Variants in SIN3B observed in about 807,000 individuals in gnomAD.
The protein encoded by SIN3B is paired amphipathic helix protein Sin3b.
Under a neutral mutation model 120.2 loss-of-function variants are expected in SIN3B, and 19 were observed. The ratio of observed to expected loss-of-function variants is 0.16; its 90% CI spans 0.11 to 0.23. The LOEUF (loss-of-function observed/expected upper bound fraction) is 0.23. SIN3B is among the 10% of genes least tolerant of loss of function. SIN3B has a pLI of 1.00. For missense variants in SIN3B, 1,073 were observed against 1,573.0 expected, an observed-to-expected ratio of 0.68 and a Z score of 5.38; for synonymous variants, 654 against 653.2, an observed-to-expected ratio of 1.00 and a Z score of -0.02.
At chr19:16,836,880 G>A (rs12975314) in intron 3 of SIN3B, among the ~76,000 whole-genome samples, 2,675 of 152,304 alleles carry the variant, frequency 0.018, 42 homozygotes, top group Middle Eastern at 0.048. Flanking sequence ...TCAACAAGTC[G>A]ATTCTTGTGT....
At chr19:16,875,519 T>TTGGTC (rs1350439463) in intron 14 of SIN3B, among the ~76,000 whole-genome samples, 1 of 145,668 alleles carries the variant, frequency 6.9e-6, no homozygotes, top group Non-Finnish European at 1.5e-5. Context: ...TCTGGTCTGT[T>TTGGTC]TGGTCTGGTC....
At chr19:16,835,163 T>G (rs191286544) in intron 3 of SIN3B, among the ~76,000 whole-genome samples, 226 of 151,940 alleles carry the variant, frequency 1.5e-3, no homozygotes, top group Admixed American at 2.5e-3. Flanking sequence ...CGACCTCACG[T>G]GATCTGCCTG....
chr19:16,850,369 T>C (rs1373277721), intron 5 of SIN3B, among the ~76,000 whole-genome samples: 2 of 152,196 alleles, frequency 1.3e-5, no homozygotes, highest in African/African-American at 4.8e-5. Context: ...CCTCTGCATG[T>C]GTAACAAATA....
chr19:16,832,211 T>A (rs1971287521), intron 3 of SIN3B, among the ~76,000 whole-genome samples: 1 of 126,602 alleles, frequency 7.9e-6, no homozygotes, highest in Non-Finnish European at 1.7e-5. Flanking sequence ...TTTTTTTTTT[T>A]TTTGGAGACG....
rs766819542 is a variant in SIN3B, at chr19:16,865,436, G to A, written c.1410G>A (p.Leu470=). ...FELDVVLETN[L]ATIRVLESVQ... is the part of the protein sequence containing the mutation. ...TAGACGTTGTCCTGGAGACGAACCT[G>A]GCCACAATCCGTGTGTTGGAAAGTG... Residue 470 remains leucine (L), a synonymous_variant, in exon 11 of 19, where the codon CTG becomes CTA. Transcript: ENST00000248054. 2.5e-6 allele frequency: 4 copies of A among 1,606,086 alleles called. No individual in the cohort carries two copies. Among genetic ancestry groups the A allele is most frequent in the Non-Finnish European group, 3.4e-6 (4 of 1,173,630 alleles).
In SIN3B at chr19:16,879,536, G is replaced by A. The variant is rs1599622108; in HGVS notation, c.*809G>A. The A allele has an allele frequency of 6.6e-6, 1 of 152,252 alleles. No homozygotes were observed. The highest frequency in any genetic ancestry group is 2.1e-4 in the South Asian group (1 of 4,826). 9.4% of individuals were successfully genotyped at this position (152,252 alleles called of 1,614,324 possible). A position where few individuals can be genotyped will look rare whatever the true frequency, so the allele number is the denominator to read the frequency against. On this transcript the variant is annotated 3_prime_UTR_variant, in exon 19 of 19. Coordinates refer to ENST00000248054, the MANE Select transcript of SIN3B (RefSeq NM_001297595.2). ...GCACCCTAGGCGTATGTGTATACACGCACAGATATTTATTCCTTTCGCTTT... is the reference window on the plus strand; with the variant it reads ...GCACCCTAGGCGTATGTGTATACACACACAGATATTTATTCCTTTCGCTTT...
rs2051615589 is a variant in SIN3B at position 16,876,894 on chromosome 19, T to A, written c.2859+316T>A. The A allele has an allele frequency of 3.1e-6, 1 of 317,556 alleles. No individual in the cohort carries two copies. The highest frequency in any genetic ancestry group is 2.2e-5 in the African/African-American group (1 of 46,326). 19.7% of individuals were successfully genotyped at this position (317,556 alleles called of 1,614,324 possible). On this transcript the variant is annotated intron_variant, in intron 16 of 18. Transcript: ENST00000248054. The surrounding 1 kb of genome is among the most constrained non-coding windows in gnomAD (Gnocchi z 7.1). ...CAGGGCATCCCGTGGCTGTGACCTC[T>A]GCACCTCTTGTGTCAGGGCTGCATC... is the stretch of plus-strand genomic sequence containing the variant.
chr19:16,829,929 AC>A (rs771270755), intron 2 of SIN3B, 32 bp downstream of exon 2: 9 of 1,500,650 alleles, frequency 6.0e-6, no homozygotes, highest in East Asian at 4.5e-5. Flanking sequence ...ACCTCAGGGG[AC>A]CCCCCTGGGC....
intron 3 of SIN3B, among the ~76,000 whole-genome samples, chr19:16,837,738 TG>T (rs1418198313): frequency 6.6e-6 from 1 of 151,888 alleles, no homozygotes; most frequent in East Asian, 1.9e-4. Context: ...TCCCATGTGA[TG>T]GGGGCAGAGT....
rs978684929 is a variant in SIN3B, at chr19:16,877,392, G to A, written c.2860-153G>A. 30 of 618,876 alleles carry A rather than the reference G, an allele frequency of 4.8e-5. 1 individual carries two copies. The highest frequency in any genetic ancestry group is 2.8e-4 in the South Asian group (15 of 52,738). 38.3% of individuals were successfully genotyped at this position (618,876 alleles called of 1,614,324 possible). Reference sequence around the variant, plus strand: ...AGAGCTATAGTCTGTTGGGGTCTCCGTCAGGGATCAGAGTCCTCTGCAGCG... The same window carrying A: ...AGAGCTATAGTCTGTTGGGGTCTCCATCAGGGATCAGAGTCCTCTGCAGCG... On this transcript the variant is annotated intron_variant, in intron 16 of 18. Coordinates refer to ENST00000248054, the MANE Select transcript of SIN3B (RefSeq NM_001297595.2).
intron 3 of SIN3B, among the ~76,000 whole-genome samples, chr19:16,837,820 G>A (rs1971367025): frequency 6.6e-6 from 1 of 152,124 alleles, no homozygotes; most frequent in Admixed American, 6.6e-5. Context: ...CAGGATGCCT[G>A]ATTCTCTGGG....
chr19:16,862,480 G>A lies in SIN3B; in HGVS notation c.1187G>A (p.Arg396His). ...SREIDYASCK[R>H]IGSSYRALPK... ...GAAATTGATTATGCATCCTGCAAGC[G>A]CATAGGATCCAGCTACCGGGCACTC... Residue 396 changes from arginine (R) to histidine (H), a missense_variant, in exon 9 of 19, where the codon CGC (arginine) becomes CAC (histidine). Arg to His is a conservative substitution (Grantham distance 29, BLOSUM62 0). Transcript: ENST00000248054. The surrounding 1 kb of genome is among the most constrained non-coding windows in gnomAD (Gnocchi z 4.7). 1 of 1,614,128 alleles carries A rather than the reference G, an allele frequency of 6.2e-7. No homozygotes were observed.
chr19:16,866,870 C>G (rs1971782145), intron 12 of SIN3B, among the ~76,000 whole-genome samples: 1 of 152,208 alleles, frequency 6.6e-6, no homozygotes, highest in African/African-American at 2.4e-5. Context: ...GATTCTTCTG[C>G]CTCAGCCTCC....
Position 16,876,047 on chromosome 19 carries a change from C to A in SIN3B, c.2593-8C>A. On this transcript the variant is annotated splice_polypyrimidine_tract_variant and splice_region_variant and intron_variant, in intron 14 of 18. Transcript: ENST00000248054. The surrounding 1 kb of genome is among the most constrained non-coding windows in gnomAD (Gnocchi z 7.1). The stretch of plus-strand genomic sequence containing the variant: ...GGGTGGCCGCACCACCTGCTTTCCT[C>A]CCGCCAGCTGCACCACCTCGTGAGC... 1 of 1,544,840 alleles carries A rather than the reference C, an allele frequency of 6.5e-7. No individual in the cohort carries two copies.
In SIN3B at chr19:16,865,522, C is replaced by A; in HGVS notation, c.1496C>A (p.Ser499Tyr). The change falls in exon 11 of 19, where the codon TCC (serine) becomes TAC (tyrosine). Residue 499 changes from serine (S) to tyrosine (Y), a missense_variant. Ser to Tyr is a moderately radical substitution (Grantham distance 144). Transcript: ENST00000248054. ...EDQEKFRLDDSLGGTSEVIQR... is the reference protein window; with the variant it reads ...EDQEKFRLDDYLGGTSEVIQR... The stretch of plus-strand genomic sequence containing the variant: ...CAGGAGAAGTTCCGGCTGGACGACT[C>A]CCTGGGAGGCACGTCGGAGGTGATC... 3 of 1,613,776 alleles carry A rather than the reference C, an allele frequency of 1.9e-6. No individual in the cohort carries two copies. The highest frequency in any genetic ancestry group is 2.2e-5 in the South Asian group (2 of 91,052).
In SIN3B at chr19:16,877,535, C is replaced by G. The variant is rs779898828; in HGVS notation, c.2860-10C>G. 6.3e-7 allele frequency: 1 copy of G among 1,596,192 alleles called. No individual in the cohort carries two copies. The highest frequency in any genetic ancestry group is 8.5e-7 in the Non-Finnish European group (1 of 1,170,712). On this transcript the variant is annotated splice_polypyrimidine_tract_variant and intron_variant, in intron 16 of 18. Coordinates refer to ENST00000248054, the MANE Select transcript of SIN3B (RefSeq NM_001297595.2). ...GGGGCATCACGGGCTGTGTCTCTCC[C>G]TGTCCCCAGCACCTGGCTCGGTACG...
At position 16,871,405 on chromosome 19, in the gene SIN3B, C is replaced by T. The variant is rs749737726; in HGVS notation, c.2592+7C>T. On this transcript the variant is annotated splice_region_variant and intron_variant, in intron 14 of 18. Transcript: ENST00000248054. ...GCAGAACATTGCGCGGCAGGTGAGC[C>T]GGGCCGGGGTGGGGCCGGCCCTGAG... 38 of 1,594,340 alleles carry T rather than the reference C, an allele frequency of 2.4e-5. No homozygotes were observed. The highest frequency in any genetic ancestry group is 1.1e-4 in the East Asian group (5 of 44,398).
intron 14 of SIN3B, among the ~76,000 whole-genome samples, chr19:16,875,014 G>A (rs928843938): frequency 6.6e-6 from 1 of 151,250 alleles, no homozygotes; most frequent in Admixed American, 6.6e-5. Context: ...GTTAGGTTTT[G>A]GTTTGGTCTG....
chr19:16,878,592 G>C lies in SIN3B; in HGVS notation c.3258G>C (p.Leu1086=), dbSNP rs542771494. ...ATGTGACGGTGGAGGCGGCTAGCCTGGTGCAGGACTGGCTGATGGGTGAGG... is the reference window on the plus strand; with the variant it reads ...ATGTGACGGTGGAGGCGGCTAGCCTCGTGCAGGACTGGCTGATGGGTGAGG... ...EDNVTVEAAS[L]VQDWLMGEED... The change falls in exon 19 of 19, where the codon CTG becomes CTC. Residue 1086 remains leucine, a synonymous_variant. Transcript: ENST00000248054. 6.2e-7 allele frequency: 1 copy of C among 1,612,052 alleles called. No homozygotes were observed. The highest frequency in any genetic ancestry group is 1.3e-5 in the African/African-American group (1 of 75,026).
Sources: allele counts gnomAD v4.1 joint callset (sites outside exome capture counted in the v4.1 genomes callset), GRCh38; gene constraint gnomAD v4.1.1; non-coding constraint Gnocchi (gnomAD v3.1); transcripts MANE v1.5; gene names NCBI Gene and HGNC (gene_info 2026-07-23, HGNC 2026-07-21).